Variants in ATG7 observed in about 807,000 individuals in gnomAD.
ATG7 encodes autophagy related 7, also known as ubiquitin-like modifier-activating enzyme ATG7.
In ATG7, 70 loss-of-function variants were observed where a neutral mutation model predicts 82.4. That is an observed-to-expected ratio of 0.85 (90% CI 0.70 to 1.04). The LOEUF is 1.04. Among genes scored for constraint, ATG7 ranks in the 50% least tolerant of loss-of-function variants. ATG7 has a pLI of 0.00. For synonymous variants in ATG7, 287 were observed against 313.0 expected, an observed-to-expected ratio of 0.92 and a Z score of 0.88; for missense variants, 792 against 864.3, an observed-to-expected ratio of 0.92 and a Z score of 1.05.
chr3:11,512,811 T>A (rs1389740888), intron 20 of ATG7, among the ~76,000 whole-genome samples: 2 of 152,202 alleles, frequency 1.3e-5, no homozygotes, highest in African/African-American at 4.8e-5. Context: ...CAGCCTGCTT[T>A]TATTCTCTTA....
chr3:11,545,473 G>A (rs750816580), intron 20 of ATG7, among the ~76,000 whole-genome samples: 1 of 152,072 alleles, frequency 6.6e-6, no homozygotes, highest in Non-Finnish European at 1.5e-5. Context: ...CGGCTGGAGA[G>A]TCTCCACGGC....
intron 20 of ATG7, among the ~76,000 whole-genome samples, chr3:11,447,924 G>A (rs2084735574): frequency 6.6e-6 from 1 of 152,152 alleles, no homozygotes; most frequent in South Asian, 2.1e-4. Flanking sequence ...ATGGGTGTTG[G>A]GCATATATGA....
intron 19 of ATG7, among the ~76,000 whole-genome samples, chr3:11,412,369 G>C (rs2080994766): frequency 6.6e-6 from 1 of 150,858 alleles, no homozygotes; most frequent in African/African-American, 2.4e-5. Context: ...CAATTTCCAT[G>C]TTTATCCAAA....
chr3:11,288,701 A>G (rs1364041636), intron 3 of ATG7: 2 of 152,206 alleles, frequency 1.3e-5, no homozygotes, highest in Admixed American at 1.3e-4. Flanking sequence ...TTTGATCTTA[A>G]AAAACAAAAG....
intron 19 of ATG7, among the ~76,000 whole-genome samples, chr3:11,406,287 G>C (rs1159897332): frequency 6.6e-6 from 1 of 151,994 alleles, no homozygotes; most frequent in African/African-American, 2.4e-5. Context: ...ACCATACCCA[G>C]CCCATATGTA....
intron 18 of ATG7, among the ~76,000 whole-genome samples, chr3:11,366,673 T>C (rs1360472452): frequency 6.6e-6 from 1 of 152,202 alleles, no homozygotes; most frequent in East Asian, 1.9e-4. Flanking sequence ...TTAAGTCCTT[T>C]ATGTTAAATT....
chr3:11,397,170 AGC>A (rs1238587123), intron 19 of ATG7, among the ~76,000 whole-genome samples: 1 of 152,160 alleles, frequency 6.6e-6, no homozygotes, highest in Non-Finnish European at 1.5e-5. Flanking sequence ...GCATTATACA[AGC>A]AATATATCTT....
chr3:11,377,864 A>G (rs914634652), intron 18 of ATG7, among the ~76,000 whole-genome samples: 1 of 151,970 alleles, frequency 6.6e-6, no homozygotes, highest in African/African-American at 2.4e-5. Flanking sequence ...TGCTATTTTG[A>G]TGTCTCCTAT....
At chr3:11,569,261 T>G in the ATG7 span, among the ~76,000 whole-genome samples, 1 of 152,202 alleles carries the variant, frequency 6.6e-6, no homozygotes, top group Non-Finnish European at 1.5e-5. Context: ...CACCGTGGAC[T>G]GCCACAAGCT....
the ATG7 span, chr3:11,568,631 G>T: frequency 6.4e-7 from 1 of 1,569,502 alleles, no homozygotes; most frequent in East Asian, 2.3e-5. This position sits in a 1 kb window ranked among gnomAD's most constrained non-coding sequence, Gnocchi z 5.9. Flanking sequence ...CCTGGTTCCC[G>T]GAGCTTCAAG....
chr3:11,337,973 T>C (rs1315550671), intron 11 of ATG7, among the ~76,000 whole-genome samples: 12 of 152,162 alleles, frequency 7.9e-5, no homozygotes, highest in Admixed American at 7.9e-4. Context: ...AAAAAAACTT[T>C]TATTTTCGGT....
chr3:11,490,538 C>G (rs1316054559), intron 20 of ATG7, among the ~76,000 whole-genome samples: 1 of 152,104 alleles, frequency 6.6e-6, no homozygotes, highest in Non-Finnish European at 1.5e-5. Flanking sequence ...TTATTTTGCT[C>G]GTTAGTTGAT....
chr3:11,559,415 C>T (rs566280584), downstream of ATG7: 39 of 1,563,068 alleles, frequency 2.5e-5, no homozygotes, highest in Middle Eastern at 2.2e-4. Context: ...GTTGCAGTTG[C>T]GGGCGCCAGC....
At chr3:11,363,203 A>G in intron 17 of ATG7, 1 of 332,352 alleles carries the variant, frequency 3.0e-6, no homozygotes, top group South Asian at 3.2e-5. Context: ...TGTGCTAGGC[A>G]CTGTTCTAAG....
At chr3:11,422,221 C>T (rs1443864368) in intron 19 of ATG7, among the ~76,000 whole-genome samples, 1 of 152,198 alleles carries the variant, frequency 6.6e-6, no homozygotes, top group Non-Finnish European at 1.5e-5. Flanking sequence ...TCTGTAGCTA[C>T]GAAAGTCCTA....
At chr3:11,558,851 C>T (rs771520677), downstream of ATG7, 1 of 1,606,714 alleles carries the variant, frequency 6.2e-7, no homozygotes, top group Non-Finnish European at 8.5e-7. Context: ...GGAAGGCAGG[C>T]AGTCAGACAC....
rs202174843 is a variant in ATG7, at chr3:11,372,837, C to T, written c.1876-7135C>T. ...GTGTGCGCGCGTGTGCGTGTGTGTG[C>T]GTGCGTGCGTGTGCGTGTGTGTGTG... On this transcript the variant is annotated intron_variant, in intron 18 of 20. Transcript: ENST00000693202. Among the ~76,000 whole-genome samples the T allele has an allele frequency of 4.3e-4, 39 of 90,538 alleles. 3 individuals are homozygous for T. Among genetic ancestry groups the T allele is most frequent in the East Asian group, 9.4e-4 (3 of 3,192 alleles). 59.4% of individuals were successfully genotyped at this position (90,538 alleles called of 152,430 possible).
chr3:11,488,794 A>G (rs1322370418), intron 20 of ATG7, among the ~76,000 whole-genome samples: 1 of 152,100 alleles, frequency 6.6e-6, no homozygotes, highest in Non-Finnish European at 1.5e-5. Context: ...GTGCTGCTGG[A>G]TTCGGTTTGC....
intron 20 of ATG7, among the ~76,000 whole-genome samples, chr3:11,465,893 C>G (rs768216602): frequency 7.4e-4 from 112 of 152,310 alleles, no homozygotes; most frequent in Non-Finnish European, 1.4e-3. Context: ...CTTTAAGGGC[C>G]TCTCAGTGCA....
Sources: allele counts gnomAD v4.1 joint callset (sites outside exome capture counted in the v4.1 genomes callset), GRCh38; gene constraint gnomAD v4.1.1; non-coding constraint Gnocchi (gnomAD v3.1); transcripts MANE v1.5; gene names NCBI Gene and HGNC (gene_info 2026-07-23, HGNC 2026-07-21).